Variants in PDE6C observed in about 807,000 individuals in gnomAD.
PDE6C encodes cone cGMP-specific 3',5'-cyclic phosphodiesterase subunit alpha'.
A neutral mutation model predicts 113.1 loss-of-function variants in PDE6C; 75 were observed. The ratio of observed to expected loss-of-function variants is 0.66; its 90% CI spans 0.55 to 0.80. The LOEUF (loss-of-function observed/expected upper bound fraction) is 0.80, where lower values mean the gene tolerates loss of function less well. Among genes scored for constraint, PDE6C ranks in the 30% least tolerant of loss-of-function variants. PDE6C has a pLI of 0.00. For synonymous variants in PDE6C, 375 were observed against 363.7 expected (o/e 1.03, Z -0.35); for missense variants, 912 against 1,038.6 (o/e 0.88, Z 1.67).
rs2058686308 is a variant in PDE6C at position 93,665,557 on chromosome 10, T to C, written c.*139T>C. The C allele has an allele frequency of 1.5e-6, 1 of 663,542 alleles. No homozygotes were observed. Among genetic ancestry groups the C allele is most frequent in the Admixed American group, 2.6e-5 (1 of 37,764 alleles). 41.1% of individuals were successfully genotyped at this position (663,542 alleles called of 1,614,324 possible). A position where few individuals can be genotyped will look rare whatever the true frequency, so the allele number is the denominator to read the frequency against. ...CTGTGACTATGAAGAAAATATATAT[T>C]GCTAGCCCAAAAATCCCAGGGGCAA... On this transcript the variant is annotated 3_prime_UTR_variant, in exon 22 of 22. Transcript: ENST00000371447.
chr10:93,640,370 T>C, intron 12 of PDE6C, 80 bp from the exon 13 acceptor site: 1 of 1,273,552 alleles, frequency 7.9e-7, no homozygotes, highest in South Asian at 1.2e-5. Flanking sequence ...GACCAACACA[T>C]CTTTTTAGAT....
At chr10:93,663,810 T>C (rs2058677635) in intron 21 of PDE6C, among the ~76,000 whole-genome samples, 1 of 152,208 alleles carries the variant, frequency 6.6e-6, no homozygotes, top group Admixed American at 6.5e-5. Context: ...ATGCTTAGGA[T>C]TAACTATTAG....
At chr10:93,640,777 A>G in intron 13 of PDE6C, 143 bp from the exon 14 acceptor site, 1 of 707,284 alleles carries the variant, frequency 1.4e-6, no homozygotes, top group Non-Finnish European at 2.5e-6. Context: ...GTCTTCACCC[A>G]CAGTACTACA....
chr10:93,656,083 A>G (rs896356315), intron 16 of PDE6C, among the ~76,000 whole-genome samples: 3 of 152,230 alleles, frequency 2.0e-5, no homozygotes, highest in Admixed American at 2.0e-4. Flanking sequence ...CTCTGGGAAC[A>G]TATTTTAAAA....
intron 8 of PDE6C, among the ~76,000 whole-genome samples, chr10:93,633,241 G>T (rs536038584): frequency 6.6e-6 from 1 of 151,944 alleles, no homozygotes; most frequent in African/African-American, 2.4e-5. Flanking sequence ...TGAGGCGGGC[G>T]GATCACTTGA....
At chr10:93,662,955 ACT>A (rs753768649) in intron 20 of PDE6C, 71 bp from the exon 21 acceptor site, 55 of 1,302,612 alleles carry the variant, frequency 4.2e-5, no homozygotes, top group Non-Finnish European at 5.8e-5. Context: ...CTTACAGCTC[ACT>A]CTCTGCATAT....
chr10:93,643,071 T>C (rs1006722978), intron 14 of PDE6C, among the ~76,000 whole-genome samples: 1 of 152,182 alleles, frequency 6.6e-6, no homozygotes, highest in Admixed American at 6.5e-5. Context: ...AAGGACTTGA[T>C]ACCTACTGCC....
At chr10:93,626,782 T>A in intron 6 of PDE6C, 23 bp from the exon 7 acceptor site, 1 of 1,611,508 alleles carries the variant, frequency 6.2e-7, no homozygotes, top group South Asian at 1.1e-5. Flanking sequence ...ATTGCAATGA[T>A]TTTTTTTCTT....
chr10:93,626,803 A>T lies in PDE6C; in HGVS notation c.1005-2A>T. The T allele has an allele frequency of 6.2e-7, 1 of 1,613,974 alleles. No individual in the cohort carries two copies. The highest frequency in any genetic ancestry group is 8.5e-7 in the Non-Finnish European group (1 of 1,179,880). On this transcript the variant is annotated splice_acceptor_variant, in intron 6 of 21. Transcript: ENST00000371447. LOFTEE classifies it high-confidence loss of function. ...ATGATTTTTTTTCTTCTCTTCCCCA[A>T]GGACGCCTCCTGCAGACCACTGGAC... is the stretch of plus-strand genomic sequence containing the variant.
At chr10:93,633,298 T>G (rs2058510736) in intron 8 of PDE6C, among the ~76,000 whole-genome samples, 1 of 151,840 alleles carries the variant, frequency 6.6e-6, no homozygotes, top group African/African-American at 2.4e-5. Flanking sequence ...AAACCTCATC[T>G]TTACTAAAAA....
intron 10 of PDE6C, 85 bp from the exon 11 acceptor site, chr10:93,636,910 C>T: frequency 1.3e-6 from 1 of 794,794 alleles, no homozygotes. Flanking sequence ...TTAAATATAT[C>T]TTAACTAAGA....
At chr10:93,615,920 A>G (rs1038244940) in intron 1 of PDE6C, among the ~76,000 whole-genome samples, 11 of 152,120 alleles carry the variant, frequency 7.2e-5, no homozygotes, top group Non-Finnish European at 1.5e-5. Context: ...GTGTCTGTGG[A>G]TGAGGAGGGT....
At chr10:93,640,863 T>C in intron 13 of PDE6C, 57 bp from the exon 14 acceptor site, 1 of 1,109,968 alleles carries the variant, frequency 9.0e-7, no homozygotes, top group Non-Finnish European at 1.4e-6. Context: ...GCACTTGGTA[T>C]AGAGGTATAT....
intron 15 of PDE6C, among the ~76,000 whole-genome samples, chr10:93,651,411 G>T (rs778854010): frequency 2.6e-5 from 4 of 152,186 alleles, no homozygotes; most frequent in Non-Finnish European, 4.4e-5. Context: ...ATGGCTGAAG[G>T]AGAAGGGGAA....
chr10:93,664,049 G>A (rs2058678821), intron 21 of PDE6C, among the ~76,000 whole-genome samples: 1 of 152,146 alleles, frequency 6.6e-6, no homozygotes. Flanking sequence ...ATGTCCTTCA[G>A]AATAAAAGCA....
rs113181637 is a variant in PDE6C at position 93,631,661 on chromosome 10, C to T, written c.1119+2356C>T. Among the ~76,000 whole-genome samples the T allele has an allele frequency of 9.2e-3, 1,400 of 152,338 alleles. 29 individuals are homozygous for T. Among genetic ancestry groups the T allele is most frequent in the African/African-American group, 0.032 (1,331 of 41,584 alleles). The stretch of plus-strand genomic sequence containing the variant: ...CACAGCGGACTAGGACGGGTGACCG[C>T]CCTCCCCAAACCACCACCCTCCTTT... On this transcript the variant is annotated intron_variant, in intron 8 of 21. Transcript: ENST00000371447.
rs534984092 is a variant in PDE6C, at chr10:93,652,763, T to G, written c.1936-2997T>G. On this transcript the variant is annotated intron_variant, in intron 15 of 21. Transcript: ENST00000371447. ...ATAGCAACAAGTGTCCAGGTTTACA[T>G]TAAGCAATATGCACTAAAACAATTG... Among the ~76,000 whole-genome samples, 13 of 152,318 alleles carry G rather than the reference T, an allele frequency of 8.5e-5. No homozygotes were observed. The South Asian group carries it at 2.5e-3, about 29-fold the overall frequency.
At chr10:93,632,214 A>T (rs971727092) in intron 8 of PDE6C, among the ~76,000 whole-genome samples, 2 of 152,218 alleles carry the variant, frequency 1.3e-5, no homozygotes, top group African/African-American at 2.4e-5. Flanking sequence ...CACCTGGAAC[A>T]TCCAGGCTAA....
chr10:93,622,639 G>GTTTTT (rs67350128), intron 4 of PDE6C, among the ~76,000 whole-genome samples: 25 of 113,974 alleles, frequency 2.2e-4, no homozygotes, highest in Admixed American at 3.6e-4. Context: ...GTAGCCACAG[G>GTTTTT]TTTTTTTTTT....
Sources: allele counts gnomAD v4.1 joint callset (sites outside exome capture counted in the v4.1 genomes callset), GRCh38; gene constraint gnomAD v4.1.1; transcripts MANE v1.5; gene names NCBI Gene and HGNC (gene_info 2026-07-23, HGNC 2026-07-21).